BOC: variants seen among roughly 807,000 people sequenced by gnomAD.
BOC encodes brother of CDO.
BOC carries 76 observed loss-of-function variants against 112.0 expected under a neutral mutation model. That is an observed-to-expected ratio of 0.68 (90% CI 0.56 to 0.82). BOC has a LOEUF of 0.82. Among genes scored for constraint, BOC ranks in the 40% least tolerant of loss-of-function variants. The pLI is 0.00. For synonymous variants in BOC, 580 were observed against 599.8 expected (o/e 0.97, Z 0.48); for missense variants, 1,309 against 1,511.7 (o/e 0.87, Z 2.22).
At chr3:113,280,928 C>T in intron 14 of BOC, 103 bp from the exon 15 acceptor site, 1 of 1,482,798 alleles carries the variant, frequency 6.7e-7, no homozygotes, top group Admixed American at 1.8e-5. Flanking sequence ...CAGTCAGTGG[C>T]ATCCTCCCCC....
In BOC at chr3:113,274,602, T is replaced by A; in HGVS notation, c.1462T>A (p.Ser488Thr). ...LSSPRTSKTD[S>T]YELVWRPRHE... ...CTCGCCCCGCACCTCCAAGACAGAC[T>A]CATATGAACTGGTGTGGCGGCCTCG... The change falls in exon 9 of 20, where the codon TCA becomes ACA. Residue 488 changes from serine (S) to threonine (T), a missense_variant. Ser to Thr is a moderately conservative substitution (Grantham distance 58, BLOSUM62 1). Transcript: ENST00000682979. The surrounding 1 kb of genome is among the most constrained non-coding windows in gnomAD (Gnocchi z 4.8). 1 of 1,613,580 alleles carries A rather than the reference T, an allele frequency of 6.2e-7. No homozygotes were observed. Among genetic ancestry groups the A allele is most frequent in the Non-Finnish European group, 8.5e-7 (1 of 1,179,926 alleles).
In BOC at chr3:113,247,433, T is replaced by G. The variant is rs1274880232; in HGVS notation, c.-81-2289T>G. On this transcript the variant is annotated intron_variant, in intron 2 of 19. Transcript: ENST00000682979. ...AAACTTTCCCTCTAGAAATCACTGT[T>G]AAAATGTCCCACTGTTCTACATCAA... Among the ~76,000 whole-genome samples the G allele has an allele frequency of 6.2e-5, 9 of 145,824 alleles. No homozygotes were observed. The Admixed American group carries it at 6.3e-4, about 10-fold the overall frequency.
Position 113,213,124 on chromosome 3 carries a change from A to G in BOC, c.-170+1108A>G, listed in dbSNP as rs566213408. On this transcript the variant is annotated intron_variant, in intron 1 of 19. Coordinates refer to ENST00000682979, the MANE Select transcript of BOC (RefSeq NM_001378074.1). ...GTAGAGCTAAGAATACCGAAACCAC[A>G]CACCAGCAATCCCAAACTGGCACTT... Among the ~76,000 whole-genome samples, 143 of 152,280 alleles carry G rather than the reference A, an allele frequency of 9.4e-4. 1 individual carries two copies. In the Middle Eastern group the frequency reaches 0.01, roughly 11 times the overall value.
chr3:113,213,615 A>G (rs937569937), intron 1 of BOC, among the ~76,000 whole-genome samples: 4 of 152,196 alleles, frequency 2.6e-5, no homozygotes, highest in African/African-American at 9.6e-5. Flanking sequence ...ATCTGAGGCA[A>G]GAGGTTAGCC....
At chr3:113,273,842 G>A (rs1374208756) in intron 8 of BOC, among the ~76,000 whole-genome samples, 1 of 152,238 alleles carries the variant, frequency 6.6e-6, no homozygotes, top group Non-Finnish European at 1.5e-5. Flanking sequence ...GGTGGGGAAG[G>A]TCAGGTAGAG....
At chr3:113,282,833 G>A (rs756162348) in intron 15 of BOC, among the ~76,000 whole-genome samples, 9 of 152,038 alleles carry the variant, frequency 5.9e-5, no homozygotes, top group Non-Finnish European at 1.0e-4. Flanking sequence ...TGGCCACGAG[G>A]GCCAGCAGGG....
At chr3:113,239,619 A>G (rs537963688) in intron 2 of BOC, among the ~76,000 whole-genome samples, 2 of 152,314 alleles carry the variant, frequency 1.3e-5, no homozygotes, top group African/African-American at 2.4e-5. Context: ...TCCCACTCCT[A>G]TATGCTTACA....
chr3:113,220,751 G>A (rs141527986), intron 2 of BOC, among the ~76,000 whole-genome samples: 1 of 152,318 alleles, frequency 6.6e-6, no homozygotes, highest in African/African-American at 2.4e-5. Flanking sequence ...CAGACAAGCT[G>A]CCTTTCCCAG....
chr3:113,237,661 A>G (rs964956872), intron 2 of BOC, among the ~76,000 whole-genome samples: 1 of 152,188 alleles, frequency 6.6e-6, no homozygotes, highest in African/African-American at 2.4e-5. Context: ...CCTCATCAAC[A>G]TTCAACTCCC....
chr3:113,231,329 G>C (rs1356366066), intron 2 of BOC, among the ~76,000 whole-genome samples: 1 of 152,170 alleles, frequency 6.6e-6, no homozygotes, highest in Non-Finnish European at 1.5e-5. Flanking sequence ...AAATTTAAGT[G>C]TCTCCTGACA....
chr3:113,258,167 T>C (rs1441688347), intron 4 of BOC, among the ~76,000 whole-genome samples: 2 of 152,202 alleles, frequency 1.3e-5, no homozygotes, highest in African/African-American at 2.4e-5. Flanking sequence ...TGATTTTTAA[T>C]TTCTGAGTCC....
intron 4 of BOC, among the ~76,000 whole-genome samples, chr3:113,264,002 A>G (rs1392015670): frequency 2.0e-5 from 3 of 152,242 alleles, no homozygotes; most frequent in Non-Finnish European, 4.4e-5. Flanking sequence ...GTGTTCAGAC[A>G]GCCTACAGAA....
chr3:113,283,944 T>C (rs1259988317), intron 16 of BOC, among the ~76,000 whole-genome samples: 2 of 152,016 alleles, frequency 1.3e-5, no homozygotes, highest in African/African-American at 4.8e-5. Flanking sequence ...ATCCTGCCTC[T>C]TCCCTGGGTG....
At position 113,273,135 on chromosome 3, in the gene BOC, C is replaced by G; in HGVS notation, c.1028C>G (p.Thr343Ser). 1 of 1,613,750 alleles carries G rather than the reference C, an allele frequency of 6.2e-7. No homozygotes were observed. Among genetic ancestry groups the G allele is most frequent in the Non-Finnish European group, 8.5e-7 (1 of 1,179,746 alleles). Residue 343 changes from threonine to serine, a missense_variant, in exon 8 of 20, where the codon ACC becomes AGC. By Grantham distance (58) the Thr-to-Ser change is moderately conservative. Transcript: ENST00000682979. The stretch of plus-strand genomic sequence containing the variant: ...CCCTGGGGCCAGAGTGCCAAGCTTA[C>G]CTGTGAGGTGCGTGGGAACCCCCCG... ...VIPWGQSAKL[T>S]CEVRGNPPPS... is the part of the protein sequence containing the mutation.
chr3:113,257,313 T>C (rs1413506838), intron 4 of BOC, among the ~76,000 whole-genome samples: 1 of 152,174 alleles, frequency 6.6e-6, no homozygotes, highest in Non-Finnish European at 1.5e-5. Context: ...GAGCTGACCA[T>C]TGGAAGATGC....
chr3:113,233,782 C>T (rs1943039662), intron 2 of BOC, among the ~76,000 whole-genome samples: 1 of 152,156 alleles, frequency 6.6e-6, no homozygotes. Context: ...CTTCTCTTTA[C>T]ATTCTTCTTC....
chr3:113,236,140 A>G (rs1478348015), intron 2 of BOC, among the ~76,000 whole-genome samples: 4 of 151,028 alleles, frequency 2.6e-5, no homozygotes, highest in African/African-American at 9.7e-5. Context: ...CTATATCACA[A>G]TAGCAAAGAT....
At chr3:113,268,755 C>G (rs570312721) in intron 5 of BOC, among the ~76,000 whole-genome samples, 13 of 152,332 alleles carry the variant, frequency 8.5e-5, no homozygotes, top group African/African-American at 3.1e-4. Flanking sequence ...TACAGGCACA[C>G]GCCACCATGC....
intron 2 of BOC, among the ~76,000 whole-genome samples, chr3:113,227,213 T>C (rs940690404): frequency 6.6e-6 from 1 of 152,146 alleles, no homozygotes; most frequent in Non-Finnish European, 1.5e-5. Flanking sequence ...TTATGGTAAG[T>C]TGTATAGGTA....
Sources: gnomAD v4.1 joint callset for allele counts (sites outside exome capture counted in the v4.1 genomes callset) on GRCh38, gnomAD v4.1.1 for gene constraint, Gnocchi (gnomAD v3.1) non-coding constraint, MANE v1.5 for transcripts, NCBI Gene and HGNC (gene_info 2026-07-23, HGNC 2026-07-21) for gene names.